Variants in DHCR24 observed in about 807,000 individuals in gnomAD.
DHCR24 encodes the protein 24-dehydrocholesterol reductase.
A neutral mutation model predicts 61.2 loss-of-function variants in DHCR24; 28 were observed. The ratio of observed to expected loss-of-function variants is 0.46; its 90% CI spans 0.34 to 0.63. The LOEUF (loss-of-function observed/expected upper bound fraction) is 0.63, where lower values mean the gene tolerates loss of function less well. DHCR24 is among the 20% of genes least tolerant of loss of function. The pLI, the probability that DHCR24 is intolerant of heterozygous loss-of-function variation, is 0.01. For synonymous variants in DHCR24, 261 were observed against 275.9 expected (o/e 0.95, Z 0.54); for missense variants, 538 against 679.1 (o/e 0.79, Z 2.31).
At chr1:54,861,594 TTCA>T (rs1570185228) in intron 6 of DHCR24, among the ~76,000 whole-genome samples, 1 of 152,216 alleles carries the variant, frequency 6.6e-6, no homozygotes, top group East Asian at 1.9e-4. Flanking sequence ...TGGCTTAGAT[TTCA>T]TCATAACACA....
rs1347608141 is a variant in DHCR24 at position 54,871,497 on chromosome 1, C to T, written c.729G>A (p.Glu243=). The change falls in exon 5 of 9, where the codon GAG becomes GAA. Residue 243 remains glutamate (E), a synonymous_variant. Coordinates refer to ENST00000371269, the MANE Select transcript of DHCR24 (RefSeq NM_014762.4). ...AGATAGCCTCCAGGCCCCGCACTGG[C>T]TCGAAACGCAGCTTGACGTACTTCT... is the stretch of plus-strand genomic sequence containing the variant. ...PAKKYVKLRF[E]PVRGLEAICA... 3.1e-6 allele frequency: 5 copies of T among 1,614,116 alleles called. No individual in the cohort carries two copies. Among genetic ancestry groups the T allele is most frequent in the Non-Finnish European group, 4.2e-6 (5 of 1,180,052 alleles).
chr1:54,885,095 G>C (rs1257022868), intron 1 of DHCR24, among the ~76,000 whole-genome samples: 2 of 152,128 alleles, frequency 1.3e-5, no homozygotes, highest in Admixed American at 1.3e-4. Context: ...GTCAAATACT[G>C]GTCAGGTCTC....
At chr1:54,871,322 G>C (rs770279004) in intron 5 of DHCR24, 28 bp downstream of exon 5, 1 of 1,612,868 alleles carries the variant, frequency 6.2e-7, no homozygotes, top group Non-Finnish European at 8.5e-7. Flanking sequence ...CCCAGTCTTG[G>C]TCAGCAGCAG....
chr1:54,878,569 T>TC (rs1647047776), intron 2 of DHCR24, among the ~76,000 whole-genome samples: 1 of 137,370 alleles, frequency 7.3e-6, no homozygotes, highest in Admixed American at 7.5e-5. Context: ...TACCAGGGAC[T>TC]CACACAGGGC....
At chr1:54,867,136 C>A (rs1646972111) in intron 5 of DHCR24, among the ~76,000 whole-genome samples, 1 of 152,204 alleles carries the variant, frequency 6.6e-6, no homozygotes, top group African/African-American at 2.4e-5. Flanking sequence ...GGCCAGGTGG[C>A]TGCATGAGCT....
chr1:54,881,490 C>T (rs568425219), intron 2 of DHCR24, among the ~76,000 whole-genome samples: 2 of 152,228 alleles, frequency 1.3e-5, no homozygotes, highest in East Asian at 1.9e-4. Flanking sequence ...CAAAAAATAA[C>T]AGATGCTGGT....
At chr1:54,872,780 A>G (rs535947080) in intron 4 of DHCR24, among the ~76,000 whole-genome samples, 16 of 152,352 alleles carry the variant, frequency 1.1e-4, no homozygotes, top group Non-Finnish European at 1.3e-4. Context: ...GATAATAAAT[A>G]GGTCAAAAGA....
intron 4 of DHCR24, among the ~76,000 whole-genome samples, chr1:54,874,618 G>T (rs953680211): frequency 6.6e-6 from 1 of 152,094 alleles, no homozygotes; most frequent in Admixed American, 6.6e-5. Flanking sequence ...ACTGTTCTGT[G>T]ACACATGACT....
chr1:54,876,436 C>G (rs1557438174), intron 2 of DHCR24, among the ~76,000 whole-genome samples: 1 of 152,160 alleles, frequency 6.6e-6, no homozygotes, highest in Non-Finnish European at 1.5e-5. Context: ...GGTGAATCAT[C>G]TGAGTTCAGG....
rs1231479888 is a variant in DHCR24 at position 54,876,661 on chromosome 1, C to T, written c.388-614G>A. ...AGAGTGAGACTCCGTCTCAAACAAA[C>T]AAAAAAAAAATTCACCCTTCCTAGT... On this transcript the variant is annotated intron_variant, in intron 2 of 8. Transcript: ENST00000371269. Among the ~76,000 whole-genome samples, 3 of 148,056 alleles carry T rather than the reference C, an allele frequency of 2.0e-5. No homozygotes were observed. In the East Asian group the frequency reaches 6.1e-4, roughly 30 times the overall value.
chr1:54,885,934 T>C (rs999867058), intron 1 of DHCR24, among the ~76,000 whole-genome samples: 2 of 152,156 alleles, frequency 1.3e-5, no homozygotes, highest in African/African-American at 4.8e-5. Context: ...GGCAAAGCAC[T>C]TCCAGACACT....
intron 6 of DHCR24, among the ~76,000 whole-genome samples, chr1:54,858,669 C>T (rs1381608899): frequency 6.6e-6 from 1 of 152,082 alleles, no homozygotes; most frequent in African/African-American, 2.4e-5. Context: ...TGGAGTTTCA[C>T]TCTTATTGCC....
chr1:54,875,825 C>T (rs1647025696), intron 3 of DHCR24, 117 bp downstream of exon 3: 3 of 809,744 alleles, frequency 3.7e-6, no homozygotes, highest in Non-Finnish European at 6.5e-6. Context: ...GACTGAATGA[C>T]TTCTGTCACA....
chr1:54,864,667 T>C (rs1230097684), intron 6 of DHCR24, among the ~76,000 whole-genome samples: 1 of 152,072 alleles, frequency 6.6e-6, no homozygotes, highest in Non-Finnish European at 1.5e-5. Flanking sequence ...CATTTTATAA[T>C]GTTTAATTTC....
intron 2 of DHCR24, 55 bp from the exon 3 acceptor site, chr1:54,876,102 G>C (rs949054161): frequency 4.4e-5 from 61 of 1,385,456 alleles, no homozygotes; most frequent in Non-Finnish European, 5.9e-5. Context: ...AGGCCCAAGG[G>C]GAGCTGCTGC....
At position 54,883,646 on chromosome 1, in the gene DHCR24, T is replaced by C; in HGVS notation, c.359A>G (p.Asp120Gly). The change falls in exon 2 of 9, where the codon GAC becomes GGC. Residue 120 changes from aspartate to glycine, a missense_variant. Physicochemically the swap from Asp to Gly is moderately conservative, Grantham distance 94. Coordinates refer to ENST00000371269, the MANE Select transcript of DHCR24 (RefSeq NM_014762.4). The surrounding 1 kb of genome is among the most constrained non-coding windows in gnomAD (Gnocchi z 4.3). The stretch of plus-strand genomic sequence containing the variant: ...TTTCTTGGTGTCCACTTCCAGAATG[T>C]CCATCAGGTTGATCATGATGTTTTT... Reference protein sequence around the residue: ...THKNIMINLMDILEVDTKKQI... With the variant: ...THKNIMINLMGILEVDTKKQI... 1.2e-6 allele frequency: 2 copies of C among 1,614,236 alleles called. No individual in the cohort carries two copies. Among genetic ancestry groups the C allele is most frequent in the Non-Finnish European group, 1.7e-6 (2 of 1,180,050 alleles).
At position 54,853,515 on chromosome 1, in the gene DHCR24, G is replaced by C. The variant is rs1419401529; in HGVS notation, c.1316C>G (p.Ala439Gly). The C allele has an allele frequency of 5.0e-6, 8 of 1,614,192 alleles. No homozygotes were observed. Among genetic ancestry groups the C allele is most frequent in the Non-Finnish European group, 6.8e-6 (8 of 1,180,034 alleles). The change falls in exon 8 of 9, where the codon GCA (alanine) becomes GGA (glycine). Residue 439 changes from alanine to glycine, a missense_variant. Transcript: ENST00000371269. ...NEAELYIDIG[A>G]YGEPRVKHFE... is the part of the protein sequence containing the mutation. ...GTGTTTCACACGCGGCTCCCCATAT[G>C]CTCCAATGTCGATGTAGAGCTCTGC...
chr1:54,852,526 A>G, intron 8 of DHCR24, 140 bp from the exon 9 acceptor site: 1 of 954,608 alleles, frequency 1.0e-6, no homozygotes, highest in South Asian at 1.4e-5. Context: ...CCTGGTGAAG[A>G]AGATGGTGCA....
chr1:54,857,719 CAA>C (rs1000175270), intron 6 of DHCR24, among the ~76,000 whole-genome samples: 1 of 152,148 alleles, frequency 6.6e-6, no homozygotes, highest in Non-Finnish European at 1.5e-5. Flanking sequence ...ATATTTATGA[CAA>C]GAGACAGACC....
Sources: allele counts gnomAD v4.1 joint callset (sites outside exome capture counted in the v4.1 genomes callset), GRCh38; gene constraint gnomAD v4.1.1; non-coding constraint Gnocchi (gnomAD v3.1); transcripts MANE v1.5; gene names NCBI Gene and HGNC (gene_info 2026-07-23, HGNC 2026-07-21).